METTL2A: variants seen among roughly 807,000 people sequenced by gnomAD.
METTL2A encodes the protein methyltransferase 2A, tRNA N3-cytidine, also known as tRNA N(3)-cytidine methyltransferase METTL2A.
In METTL2A, 45 loss-of-function variants were observed where a neutral mutation model predicts 49.4. The ratio of observed to expected loss-of-function variants is 0.91; its 90% confidence interval spans 0.72 to 1.17. METTL2A has a LOEUF of 1.17. METTL2A is among the 50% of genes most tolerant of loss of function. METTL2A has a pLI of 0.00. For missense variants in METTL2A, 361 were observed against 462.2 expected (o/e 0.78, Z 2.01); for synonymous variants, 118 against 167.5 (o/e 0.70, Z 2.28).
chr17:62,440,843 C>T, intron 6 of METTL2A, 87 bp downstream of exon 6: 6 of 1,520,674 alleles, frequency 3.9e-6, no homozygotes, highest in Non-Finnish European at 5.3e-6. Flanking sequence ...CTTGCTCTGT[C>T]AGCCCAGGCT....
chr17:62,440,042 T>A (rs1435861270), intron 5 of METTL2A, among the ~76,000 whole-genome samples: 1 of 151,976 alleles, frequency 6.6e-6, no homozygotes, highest in Non-Finnish European at 1.5e-5. Context: ...TTTCTTTTTT[T>A]TAGATGGAGT....
At chr17:62,440,019 C>CTTTTTTTTTTTTTTTTT (rs60232494) in intron 5 of METTL2A, among the ~76,000 whole-genome samples, 1 of 141,076 alleles carries the variant, frequency 7.1e-6, no homozygotes, top group African/African-American at 2.6e-5. Flanking sequence ...TTTGCCGTTA[C>CTTTTTTTTTTTTTTTTT]TTTTTTTTTT....
chr17:62,439,224 T>G (rs149854699), intron 5 of METTL2A, among the ~76,000 whole-genome samples: 2,407 of 151,530 alleles, frequency 0.016, 54 homozygotes, highest in African/African-American at 0.054. Flanking sequence ...CAGGTAATCC[T>G]CCCACCTCGA....
At position 62,440,639 on chromosome 17, in the gene METTL2A, C is replaced by T. The variant is rs375073803; in HGVS notation, c.692C>T (p.Ser231Phe). The change falls in exon 6 of 9, where the codon TCT becomes TTT. Residue 231 changes from serine to phenylalanine, a missense_variant. Physicochemically the swap from Ser to Phe is radical, Grantham distance 155 (BLOSUM62 -2). Coordinates refer to ENST00000311506, the MANE Select transcript of METTL2A (RefSeq NM_181725.4). Reference sequence around the variant, plus strand: ...CAGACAAATTCAGAATATGATCCTTCTCGGTGTTTTGCCTTTGTTCACGAC... The same window carrying T: ...CAGACAAATTCAGAATATGATCCTTTTCGGTGTTTTGCCTTTGTTCACGAC... ...LVQTNSEYDP[S>F]RCFAFVHDLC... 8.1e-5 allele frequency: 131 copies of T among 1,613,262 alleles called. 4 individuals carry two copies. Among genetic ancestry groups the T allele is most frequent in the East Asian group, 4.0e-4 (18 of 44,876 alleles).
In METTL2A at chr17:62,451,646, C is replaced by T. The variant is rs569572060; in HGVS notation, c.*2917C>T. Among the ~76,000 whole-genome samples the T allele has an allele frequency of 7.3e-5, 11 of 151,380 alleles. No individual in the cohort carries two copies. The South Asian group carries it at 2.1e-3, about 29-fold the overall frequency. On this transcript the variant is annotated 3_prime_UTR_variant, in exon 9 of 9. Coordinates refer to ENST00000311506, the MANE Select transcript of METTL2A (RefSeq NM_181725.4). ...GTGGCTCACGCCTGTAATCCCAGCA[C>T]TTTGAGAGACCAAGGTAGGTGGATC...
intron 8 of METTL2A, among the ~76,000 whole-genome samples, chr17:62,448,300 T>G (rs1167057490): frequency 6.6e-6 from 1 of 152,178 alleles, no homozygotes; most frequent in Non-Finnish European, 1.5e-5. Context: ...CATACATAGA[T>G]ATTTTTGCAT....
rs1350503808 is a variant in METTL2A at position 62,450,243 on chromosome 17, ATGCCTTTTTTT to A, written c.*1516_*1526del. The A allele has an allele frequency of 4.2e-5, 5 of 118,534 alleles. No homozygotes were observed. Among genetic ancestry groups the A allele is most frequent in the Non-Finnish European group, 6.3e-5 (4 of 63,898 alleles). 7.3% of individuals were successfully genotyped at this position (118,534 alleles called of 1,614,324 possible). ...TGAATGTGATCATTATCAGTGTTAGATGCCTTTTTTTTTTTTTTTTTTTTTTTTTTTTTAAG... is the reference window on the plus strand; with the variant it reads ...TGAATGTGATCATTATCAGTGTTAGATTTTTTTTTTTTTTTTTTTTTTAAG... On this transcript the variant is annotated 3_prime_UTR_variant, in exon 9 of 9. Transcript: ENST00000311506.
chr17:62,451,928 T>A lies in METTL2A; in HGVS notation c.*3199T>A, dbSNP rs996110183. 7.2e-6 allele frequency among the ~76,000 whole-genome samples: 1 copy of A among 138,842 alleles called. No individual in the cohort carries two copies. The highest frequency in any genetic ancestry group is 1.5e-5 in the Non-Finnish European group (1 of 65,486). 91.1% of individuals were successfully genotyped at this position (138,842 alleles called of 152,430 possible). A position where few individuals can be genotyped will look rare whatever the true frequency, so the allele number is the denominator to read the frequency against. ...AAAAAAAATTAGCTGGGCATGGTGG[T>A]GGGCGCCTGTAATCCCAGCTATTTG... On this transcript the variant is annotated 3_prime_UTR_variant, in exon 9 of 9. Coordinates refer to ENST00000311506, the MANE Select transcript of METTL2A (RefSeq NM_181725.4).
chr17:62,425,084 A>T (rs2070614441), intron 2 of METTL2A, among the ~76,000 whole-genome samples: 1 of 151,048 alleles, frequency 6.6e-6, no homozygotes, highest in South Asian at 2.1e-4. Flanking sequence ...CTCTTTTTAT[A>T]GTTAAAGACA....
chr17:62,445,562 G>C (rs2070763022), intron 7 of METTL2A, among the ~76,000 whole-genome samples: 1 of 152,172 alleles, frequency 6.6e-6, no homozygotes, highest in Admixed American at 6.6e-5. Flanking sequence ...ACTTTGGGAG[G>C]CCGAGGTGGG....
At position 62,440,593 on chromosome 17, in the gene METTL2A, C is replaced by A. The variant is rs181596000; in HGVS notation, c.670-24C>A. 105 of 1,596,446 alleles carry A rather than the reference C, an allele frequency of 6.6e-5. No individual in the cohort carries two copies. The African/African-American group carries it at 1.3e-3, about 20-fold the overall frequency. On this transcript the variant is annotated intron_variant, in intron 5 of 8. Coordinates refer to ENST00000311506, the MANE Select transcript of METTL2A (RefSeq NM_181725.4). ...GGCTATGTTAATATTTTCTAACTTA[C>A]CTGTGTCTTCCATCTGTCTGCAGAC...
At chr17:62,446,063 A>G (rs577263510) in intron 7 of METTL2A, among the ~76,000 whole-genome samples, 1 of 152,356 alleles carries the variant, frequency 6.6e-6, no homozygotes, top group East Asian at 1.9e-4. Flanking sequence ...CAACACTTCA[A>G]GGAAATAAAA....
intron 2 of METTL2A, among the ~76,000 whole-genome samples, chr17:62,424,740 T>C (rs1386051319): frequency 1.3e-5 from 2 of 151,922 alleles, no homozygotes; most frequent in Non-Finnish European, 2.9e-5. Context: ...GACTGGTGAC[T>C]GTGTGTCTAT....
At chr17:62,426,186 C>A in intron 2 of METTL2A, 113 bp from the exon 3 acceptor site, 2 of 1,051,388 alleles carry the variant, frequency 1.9e-6, no homozygotes, top group South Asian at 1.7e-5. Context: ...GTGGCTCTAC[C>A]TGAGGATACT....
Position 62,440,655 on chromosome 17 carries a change from T to C in METTL2A, c.708T>C (p.Phe236=), listed in dbSNP as rs1181757315. 6.2e-7 allele frequency: 1 copy of C among 1,613,690 alleles called. No homozygotes were observed. The highest frequency in any genetic ancestry group is 1.7e-5 in the Admixed American group (1 of 59,846). ...SEYDPSRCFA[F]VHDLCDEEKS... ...ATGATCCTTCTCGGTGTTTTGCCTTTGTTCACGACCTGTGTGATGAAGAGA... is the reference window on the plus strand; with the variant it reads ...ATGATCCTTCTCGGTGTTTTGCCTTCGTTCACGACCTGTGTGATGAAGAGA... Residue 236 remains phenylalanine, a synonymous_variant, in exon 6 of 9, where the codon TTT becomes TTC. Coordinates refer to ENST00000311506, the MANE Select transcript of METTL2A (RefSeq NM_181725.4).
chr17:62,424,265 A>G lies in METTL2A; in HGVS notation c.157A>G (p.Lys53Glu). Reference sequence around the variant, plus strand: ...AGAGCAAGCCGCGGCGGCGGAGAGAAAAGTCCAGGAGAACAGTATCCAGCG... The same window carrying G: ...AGAGCAAGCCGCGGCGGCGGAGAGAGAAGTCCAGGAGAACAGTATCCAGCG... ...SEEQAAAAER[K>E]VQENSIQRVC... is the part of the protein sequence containing the mutation. The change falls in exon 2 of 9, where the codon AAA becomes GAA. Residue 53 changes from lysine (K) to glutamate (E), a missense_variant. By Grantham distance (56) the Lys-to-Glu change is moderately conservative. Coordinates refer to ENST00000311506, the MANE Select transcript of METTL2A (RefSeq NM_181725.4). 2 of 1,614,026 alleles carry G rather than the reference A, an allele frequency of 1.2e-6. No homozygotes were observed. Among genetic ancestry groups the G allele is most frequent in the Non-Finnish European group, 8.5e-7 (1 of 1,179,944 alleles).
rs747438276 is a variant in METTL2A at position 62,447,781 on chromosome 17, T to C, written c.982+15T>C. The C allele has an allele frequency of 1.9e-6, 3 of 1,613,802 alleles. No individual in the cohort carries two copies. The highest frequency in any genetic ancestry group is 1.7e-6 in the Non-Finnish European group (2 of 1,179,846). ...CTTCACACAAGGTATGAAACACCCA[T>C]CTTTTTACACTAAAAGTCCCCAGTA... On this transcript the variant is annotated intron_variant, in intron 8 of 8. Transcript: ENST00000311506.
At chr17:62,443,489 C>A (rs2070749796) in intron 6 of METTL2A, among the ~76,000 whole-genome samples, 1 of 152,198 alleles carries the variant, frequency 6.6e-6, no homozygotes, top group African/African-American at 2.4e-5. Context: ...GTGGCACACA[C>A]TTTTAGTCCC....
chr17:62,444,701 A>G (rs560599972), intron 6 of METTL2A, 136 bp from the exon 7 acceptor site: 1 of 778,516 alleles, frequency 1.3e-6, no homozygotes, highest in African/African-American at 1.7e-5. Flanking sequence ...TAACTGAAGC[A>G]AGAGTAGAGG....
Sources: gnomAD v4.1 joint callset for allele counts (sites outside exome capture counted in the v4.1 genomes callset) on GRCh38, gnomAD v4.1.1 for gene constraint, MANE v1.5 for transcripts, NCBI Gene and HGNC (gene_info 2026-07-23, HGNC 2026-07-21) for gene names.